The following LAPTM4B variants were observed in gnomAD, a reference collection of about 807,000 sequenced individuals.
LAPTM4B encodes lysosomal protein transmembrane 4 beta.
LAPTM4B carries 26 observed loss-of-function variants against 28.5 expected under a neutral mutation model. The observed-to-expected ratio is 0.91, with a 90% CI of 0.67 to 1.27. LAPTM4B has a LOEUF of 1.27. LAPTM4B is among the 50% of genes most tolerant of loss of function. LAPTM4B has a pLI of 0.00. For synonymous variants in LAPTM4B, 109 were observed against 106.4 expected (o/e 1.02, Z -0.15); for missense variants, 288 against 285.8 (o/e 1.01, Z -0.06).
At chr8:97,821,946 TAATG>T (rs1817010395) in intron 5 of LAPTM4B, among the ~76,000 whole-genome samples, 2 of 152,108 alleles carry the variant, frequency 1.3e-5, no homozygotes, top group South Asian at 2.1e-4. Context: ...AATAAATAAA[TAATG>T]AAAGAAAATG....
intron 2 of LAPTM4B, among the ~76,000 whole-genome samples, chr8:97,814,569 C>G (rs1816873950): frequency 6.6e-6 from 1 of 151,866 alleles, no homozygotes; most frequent in Admixed American, 6.6e-5. Flanking sequence ...ATAGAATGAA[C>G]CAGATGATAT....
intron 6 of LAPTM4B, among the ~76,000 whole-genome samples, chr8:97,832,816 C>T (rs1226189102): frequency 1.3e-5 from 2 of 150,210 alleles, no homozygotes; most frequent in East Asian, 2.0e-4. Flanking sequence ...AAGCGATTCT[C>T]CTGCCGCAGC....
chr8:97,788,607 G>T (rs186041620), intron 1 of LAPTM4B, among the ~76,000 whole-genome samples: 67 of 152,112 alleles, frequency 4.4e-4, no homozygotes, highest in Non-Finnish European at 7.4e-4. Flanking sequence ...TTGCACCTCA[G>T]ATCTGCTGTC....
chr8:97,836,021 T>C (rs1272537969), intron 6 of LAPTM4B, among the ~76,000 whole-genome samples: 10 of 152,154 alleles, frequency 6.6e-5, no homozygotes, highest in African/African-American at 1.7e-4. Flanking sequence ...TTTGAGAATC[T>C]AATGCTTGAT....
chr8:97,851,065 C>T (rs1439901464), intron 6 of LAPTM4B, among the ~76,000 whole-genome samples: 3 of 148,952 alleles, frequency 2.0e-5, no homozygotes, highest in South Asian at 2.1e-4. Flanking sequence ...CAATCAAGTG[C>T]CTGCCCTATT....
intron 6 of LAPTM4B, among the ~76,000 whole-genome samples, chr8:97,834,866 C>A (rs1817237773): frequency 6.6e-6 from 1 of 152,188 alleles, no homozygotes; most frequent in African/African-American, 2.4e-5. Context: ...ATCTGGAGAC[C>A]ATAATCTGGA....
chr8:97,816,883 T>C (rs1816924845), intron 4 of LAPTM4B, among the ~76,000 whole-genome samples: 1 of 151,926 alleles, frequency 6.6e-6, no homozygotes, highest in African/African-American at 2.4e-5. Context: ...GAGGCTGCAG[T>C]GAGCCAAGAT....
chr8:97,814,655 G>A (rs1397101893), intron 2 of LAPTM4B, among the ~76,000 whole-genome samples: 2 of 152,140 alleles, frequency 1.3e-5, no homozygotes, highest in Admixed American at 6.6e-5. Flanking sequence ...GGAATAAAGA[G>A]GAACATCAAG....
chr8:97,795,663 G>T (rs1011578871), intron 1 of LAPTM4B, among the ~76,000 whole-genome samples: 32 of 151,750 alleles, frequency 2.1e-4, no homozygotes, highest in Admixed American at 1.6e-3. Flanking sequence ...GACCAGCCTG[G>T]CCAACATGGT....
intron 5 of LAPTM4B, among the ~76,000 whole-genome samples, chr8:97,820,958 C>G (rs1028830909): frequency 5.3e-5 from 8 of 151,908 alleles, no homozygotes; most frequent in Admixed American, 2.0e-4. Context: ...AACTCCTGAC[C>G]TCAGGTGATT....
Position 97,848,404 on chromosome 8 carries a change from AT to A in LAPTM4B, c.604-2983del, listed in dbSNP as rs112402864. ...TGACAAAAGGCAGATTTGCAGCACC[AT>A]TTTTTTTTTCAAGAATATCTTATGT... On this transcript the variant is annotated intron_variant, in intron 6 of 6. Transcript: ENST00000521545. Among the ~76,000 whole-genome samples the A allele has an allele frequency of 2.1e-3, 313 of 150,314 alleles. 2 individuals carry two copies. The highest frequency in any genetic ancestry group is 7.0e-3 in the African/African-American group (285 of 40,924).
At chr8:97,840,123 A>T (rs1817323986) in intron 6 of LAPTM4B, among the ~76,000 whole-genome samples, 1 of 152,224 alleles carries the variant, frequency 6.6e-6, no homozygotes, top group Non-Finnish European at 1.5e-5. Flanking sequence ...AGCTGCTGAG[A>T]TGCCTTTGAT....
rs944463822 is a variant in LAPTM4B at position 97,802,120 on chromosome 8, G to A, written c.100-3233G>A. 2.5e-4 allele frequency among the ~76,000 whole-genome samples: 38 copies of A among 152,328 alleles called. 1 individual carries two copies. Among genetic ancestry groups the A allele is most frequent in the Admixed American group, 2.3e-3 (35 of 15,296 alleles). ...ACTGGAAAGGGGATCCAGACCCCAA[G>A]AGAGGGTTCTTGGACCTCGTGCAAG... On this transcript the variant is annotated intron_variant, in intron 1 of 6. Transcript: ENST00000521545.
At chr8:97,799,174 A>G (rs551876674) in intron 1 of LAPTM4B, among the ~76,000 whole-genome samples, 1 of 152,372 alleles carries the variant, frequency 6.6e-6, no homozygotes, top group African/African-American at 2.4e-5. Flanking sequence ...GAAGAAGACC[A>G]TCTCACAGGG....
At chr8:97,830,270 T>C (rs1273231962) in intron 6 of LAPTM4B, among the ~76,000 whole-genome samples, 1 of 151,616 alleles carries the variant, frequency 6.6e-6, no homozygotes, top group East Asian at 1.9e-4. Flanking sequence ...AGAACGGGAG[T>C]GAGACCCAAA....
chr8:97,779,162 G>C (rs1405482437), intron 1 of LAPTM4B, among the ~76,000 whole-genome samples: 1 of 152,166 alleles, frequency 6.6e-6, no homozygotes, highest in Non-Finnish European at 1.5e-5. Flanking sequence ...CTACACTCCA[G>C]CCTGGGCAAC....
chr8:97,807,376 G>T (rs1816770911), intron 2 of LAPTM4B, among the ~76,000 whole-genome samples: 1 of 152,180 alleles, frequency 6.6e-6, no homozygotes, highest in Admixed American at 6.5e-5. Context: ...TTCAAGACCA[G>T]CCTGGTCAAC....
At chr8:97,784,913 T>C (rs1357279006) in intron 1 of LAPTM4B, among the ~76,000 whole-genome samples, 2 of 152,168 alleles carry the variant, frequency 1.3e-5, no homozygotes, top group African/African-American at 4.8e-5. Flanking sequence ...CAAGTCTCTC[T>C]TTCTACCTAG....
intron 6 of LAPTM4B, among the ~76,000 whole-genome samples, chr8:97,845,436 A>G (rs11784822): frequency 0.28 from 42,040 of 151,430 alleles, 6,496 homozygotes; most frequent in South Asian, 0.38. Context: ...TAATAATGCT[A>G]TTTTCCAAAG....
Sources: gnomAD v4.1 joint callset for allele counts (sites outside exome capture counted in the v4.1 genomes callset) on GRCh38, gnomAD v4.1.1 for gene constraint, MANE v1.5 for transcripts, NCBI Gene and HGNC (gene_info 2026-07-23, HGNC 2026-07-21) for gene names.